RYR2: variants seen among roughly 807,000 people sequenced by gnomAD.
RYR2 encodes the protein cardiac muscle ryanodine receptor-calcium release channel.
A neutral mutation model predicts 601.1 loss-of-function variants in RYR2; 227 were observed. That is an observed-to-expected ratio of 0.38 (90% CI 0.34 to 0.42). The LOEUF (loss-of-function observed/expected upper bound fraction) is 0.42. RYR2 is among the 10% of genes least tolerant of loss of function. The probability of loss-of-function intolerance (pLI) is 1.00; values close to 1 mark genes in which losing one functional copy is unlikely to be tolerated. For synonymous variants in RYR2, 2,223 were observed against 2,175.1 expected (o/e 1.02, Z -0.61); for missense variants, 4,646 against 6,156.5 (o/e 0.75, Z 8.21).
chr1:237,710,508 A>G (rs1035112644), intron 70 of RYR2, among the ~76,000 whole-genome samples: 5 of 152,202 alleles, frequency 3.3e-5, no homozygotes, highest in African/African-American at 1.2e-4. Flanking sequence ...ATATAAAAAC[A>G]TACATTAAAA....
At chr1:237,417,567 G>A (rs1280122656) in intron 11 of RYR2, among the ~76,000 whole-genome samples, 3 of 152,124 alleles carry the variant, frequency 2.0e-5, no homozygotes, top group Admixed American at 6.5e-5. Context: ...GAACATGAGC[G>A]TAGGACAGAG....
At chr1:237,151,894 G>A (rs1369235409) in intron 1 of RYR2, among the ~76,000 whole-genome samples, 1 of 152,066 alleles carries the variant, frequency 6.6e-6, no homozygotes, top group Admixed American at 6.6e-5. Flanking sequence ...AGAATGTGCA[G>A]GTTTGTTACG....
intron 1 of RYR2, among the ~76,000 whole-genome samples, chr1:237,250,514 G>A (rs879210673): frequency 1.3e-5 from 2 of 152,044 alleles, no homozygotes; most frequent in Admixed American, 6.5e-5. Context: ...TCTTGTCCTC[G>A]TGTCTAATCT....
intron 1 of RYR2, among the ~76,000 whole-genome samples, chr1:237,068,414 G>A (rs954224237): frequency 2.0e-5 from 3 of 152,164 alleles, no homozygotes; most frequent in Non-Finnish European, 4.4e-5. Flanking sequence ...AGTTGACATT[G>A]TTATGTTGCC....
At chr1:237,232,734 G>A (rs1007146241) in intron 1 of RYR2, among the ~76,000 whole-genome samples, 1 of 152,140 alleles carries the variant, frequency 6.6e-6, no homozygotes, top group African/African-American at 2.4e-5. Context: ...CGGGGAATCT[G>A]AGGCCATCTG....
intron 100 of RYR2, among the ~76,000 whole-genome samples, chr1:237,809,897 G>T (rs1452908015): frequency 3.3e-5 from 5 of 152,042 alleles, no homozygotes; most frequent in Non-Finnish European, 5.9e-5. Context: ...AGATGATAAA[G>T]ATCTTTTGAA....
chr1:237,253,382 T>C (rs1687663399), intron 1 of RYR2, among the ~76,000 whole-genome samples: 4 of 152,198 alleles, frequency 2.6e-5, no homozygotes, highest in Admixed American at 1.3e-4. Flanking sequence ...GCTCTTTTTG[T>C]ACAACCACAA....
intron 80 of RYR2, among the ~76,000 whole-genome samples, chr1:237,748,627 G>A (rs141553178): frequency 6.6e-6 from 1 of 152,202 alleles, no homozygotes; most frequent in Non-Finnish European, 1.5e-5. Context: ...AGAAAGAAGG[G>A]CATAGGTTGG....
intron 103 of RYR2, among the ~76,000 whole-genome samples, chr1:237,831,280 A>G (rs529000516): frequency 2.0e-5 from 3 of 152,290 alleles, no homozygotes; most frequent in African/African-American, 7.2e-5. Context: ...TTTGATTCTG[A>G]CCAGTGTGTA....
intron 39 of RYR2, among the ~76,000 whole-genome samples, chr1:237,624,961 A>G (rs372046090): frequency 2.3e-4 from 34 of 145,150 alleles, no homozygotes; most frequent in Non-Finnish European, 4.9e-4. Context: ...AAATTATACT[A>G]CATGTGTGTG....
At chr1:237,498,248 C>T (rs182345506) in intron 20 of RYR2, among the ~76,000 whole-genome samples, 1 of 152,080 alleles carries the variant, frequency 6.6e-6, no homozygotes, top group East Asian at 1.9e-4. Flanking sequence ...TTCATCTAAC[C>T]TCTGAGGAAT....
At chr1:237,451,980 A>ATGTGTGTTTGTG (rs893530736) in intron 14 of RYR2, among the ~76,000 whole-genome samples, 1 of 36,376 alleles carries the variant, frequency 2.7e-5, no homozygotes, top group African/African-American at 5.4e-5. Context: ...CTGTGTGTGT[A>ATGTGTGTTTGTG]TGTGTGTTTG....
At chr1:237,548,240 A>G (rs1452478180) in intron 25 of RYR2, among the ~76,000 whole-genome samples, 191 bp from the exon 26 acceptor site, 1 of 152,194 alleles carries the variant, frequency 6.6e-6, no homozygotes, top group Non-Finnish European at 1.5e-5. Context: ...CACAAAGATT[A>G]TGTGGCTTTT....
chr1:237,348,109 C>T (rs1698454607), intron 3 of RYR2, among the ~76,000 whole-genome samples: 1 of 152,170 alleles, frequency 6.6e-6, no homozygotes. Flanking sequence ...AAGGCTTACA[C>T]TCTGAAGAGG....
intron 1 of RYR2, chr1:237,267,589 T>A (rs948855572): frequency 1.6e-5 from 5 of 309,818 alleles, no homozygotes; most frequent in Middle Eastern, 8.1e-4. Context: ...ATATATTTTC[T>A]GGGTCCCTTT....
intron 1 of RYR2, among the ~76,000 whole-genome samples, chr1:237,072,267 C>T: frequency 6.6e-6 from 1 of 152,238 alleles, no homozygotes; most frequent in Non-Finnish European, 1.5e-5. Context: ...AGAGGGGCCA[C>T]CGCCGCCATC....
intron 87 of RYR2, among the ~76,000 whole-genome samples, chr1:237,775,049 C>A (rs1255946927): frequency 8.5e-6 from 1 of 117,814 alleles, no homozygotes; most frequent in East Asian, 2.8e-4. Flanking sequence ...AGTCACATGG[C>A]TTATTGTGCT....
intron 97 of RYR2, among the ~76,000 whole-genome samples, chr1:237,799,678 G>T (rs1010455735): frequency 1.3e-5 from 2 of 152,130 alleles, no homozygotes; most frequent in African/African-American, 4.8e-5. Context: ...AGGAAGGTCA[G>T]GTTTTAAAAG....
intron 79 of RYR2, among the ~76,000 whole-genome samples, chr1:237,734,228 G>A (rs955119938): frequency 6.6e-6 from 1 of 152,194 alleles, no homozygotes; most frequent in Non-Finnish European, 1.5e-5. Context: ...TGGTTGGGGA[G>A]GTCTCAGGAA....
Sources: allele counts gnomAD v4.1 joint callset (sites outside exome capture counted in the v4.1 genomes callset), GRCh38; gene constraint gnomAD v4.1.1; transcripts MANE v1.5; gene names NCBI Gene and HGNC (gene_info 2026-07-23, HGNC 2026-07-21).